Variants in GNAQ observed in about 807,000 individuals in gnomAD.
GNAQ encodes guanine nucleotide-binding protein G(q) subunit alpha.
A neutral mutation model predicts 43.9 loss-of-function variants in GNAQ; 8 were observed. That is an observed-to-expected ratio of 0.18 (90% CI 0.11 to 0.33). The LOEUF (loss-of-function observed/expected upper bound fraction) is 0.33, where lower values mean the gene tolerates loss of function less well. Ranked by LOEUF, GNAQ falls within the 10% of genes least tolerant of loss-of-function variation. GNAQ has a pLI of 1.00. For synonymous variants in GNAQ, 155 were observed against 170.7 expected (o/e 0.91, Z 0.71); for missense variants, 158 against 450.8 (o/e 0.35, Z 5.88).
At chr9:77,878,083 G>C (rs773931919) in intron 2 of GNAQ, among the ~76,000 whole-genome samples, 1 of 152,120 alleles carries the variant, frequency 6.6e-6, no homozygotes, top group African/African-American at 2.4e-5. Flanking sequence ...AACTGGCAGA[G>C]TTTTTAGTTG....
intron 1 of GNAQ, among the ~76,000 whole-genome samples, chr9:77,963,898 TA>T (rs1372676197): frequency 4.6e-5 from 7 of 151,652 alleles, no homozygotes; most frequent in South Asian, 4.2e-4. Flanking sequence ...TTTCTAATCT[TA>T]AAAAAAAATT....
intron 1 of GNAQ, among the ~76,000 whole-genome samples, chr9:77,981,465 CAGA>C (rs1323710115): frequency 3.3e-5 from 5 of 152,170 alleles, no homozygotes; most frequent in East Asian, 1.9e-4. Flanking sequence ...TCCAGTCATG[CAGA>C]AGGTGTGGAA....
At chr9:77,978,595 C>G (rs1357966734) in intron 1 of GNAQ, among the ~76,000 whole-genome samples, 1 of 152,168 alleles carries the variant, frequency 6.6e-6, no homozygotes, top group Non-Finnish European at 1.5e-5. Flanking sequence ...GCTACATCCA[C>G]AGCAGTATGA....
intron 1 of GNAQ, among the ~76,000 whole-genome samples, chr9:78,011,534 T>A (rs1027787236): frequency 2.6e-5 from 4 of 152,316 alleles, no homozygotes; most frequent in Middle Eastern, 3.4e-3. Flanking sequence ...TAACAAAATG[T>A]GCATTGTTGA....
rs35874480 is a variant in GNAQ, at chr9:77,895,197, C to CA, written c.321+26963dup. 4.6e-3 allele frequency among the ~76,000 whole-genome samples: 537 copies of CA among 115,502 alleles called. 4 individuals are homozygous for CA. Among genetic ancestry groups the CA allele is most frequent in the African/African-American group, 0.013 (371 of 29,074 alleles). 75.8% of individuals were successfully genotyped at this position (115,502 alleles called of 152,430 possible). A position where few individuals can be genotyped will look rare whatever the true frequency, so the allele number is the denominator to read the frequency against. On this transcript the variant is annotated intron_variant, in intron 2 of 6. Coordinates refer to ENST00000286548, the MANE Select transcript of GNAQ (RefSeq NM_002072.5). ...TGGGTGACAGAGCGAGACTCCATCT[C>CA]AAAAAAAAAAAAAAAACAGAATGGC... is the stretch of plus-strand genomic sequence containing the variant.
intron 1 of GNAQ, among the ~76,000 whole-genome samples, chr9:77,937,276 C>G (rs1829244890): frequency 6.6e-6 from 1 of 151,972 alleles, no homozygotes; most frequent in Middle Eastern, 3.2e-3. Context: ...CCTGTCTCTA[C>G]TAAAAATACA....
intron 1 of GNAQ, among the ~76,000 whole-genome samples, chr9:77,924,252 C>G (rs1204569017): frequency 6.6e-6 from 1 of 152,138 alleles, no homozygotes; most frequent in East Asian, 1.9e-4. Flanking sequence ...TGGTTGAAAA[C>G]TACCATCTCT....
chr9:77,810,227 TATCTATCTATC>T (rs1310865716), intron 3 of GNAQ, among the ~76,000 whole-genome samples: 2 of 148,878 alleles, frequency 1.3e-5, no homozygotes, highest in African/African-American at 5.1e-5. Flanking sequence ...TCTATCTATC[TATCTATCTATC>T]TATCTATCTA....
intron 6 of GNAQ, among the ~76,000 whole-genome samples, chr9:77,727,128 A>T (rs1328290994): frequency 6.7e-6 from 1 of 148,272 alleles, no homozygotes. Flanking sequence ...CCCATCACCC[A>T]GGCAGGAGTA....
intron 2 of GNAQ, among the ~76,000 whole-genome samples, chr9:77,870,692 A>T (rs1385636831): frequency 6.6e-6 from 1 of 152,072 alleles, no homozygotes; most frequent in East Asian, 1.9e-4. Context: ...TGAGATAAAT[A>T]CTTGTTTTGC....
intron 5 of GNAQ, among the ~76,000 whole-genome samples, chr9:77,748,802 T>A (rs1395067748): frequency 6.6e-6 from 1 of 152,136 alleles, no homozygotes; most frequent in Non-Finnish European, 1.5e-5. Flanking sequence ...AAATGACAAG[T>A]GTTTAATAAT....
chr9:77,785,690 A>T (rs1363455067), intron 5 of GNAQ, among the ~76,000 whole-genome samples: 6 of 152,250 alleles, frequency 3.9e-5, no homozygotes, highest in African/African-American at 1.4e-4. Context: ...TCAGTATCTG[A>T]CAGTTCCTGT....
chr9:77,962,661 G>C (rs551674634), intron 1 of GNAQ, among the ~76,000 whole-genome samples: 1 of 151,912 alleles, frequency 6.6e-6, no homozygotes, highest in Non-Finnish European at 1.5e-5. Context: ...AGGCCGAGGC[G>C]GGCGGATCAC....
In GNAQ at chr9:77,781,928, T is replaced by C. The variant is rs537669758; in HGVS notation, c.735+12535A>G. 7.2e-5 allele frequency among the ~76,000 whole-genome samples: 11 copies of C among 152,262 alleles called. No homozygotes were observed. In the East Asian group the frequency reaches 1.9e-3, roughly 27 times the overall value. On this transcript the variant is annotated intron_variant, in intron 5 of 6. Transcript: ENST00000286548. Reference sequence around the variant, plus strand: ...AATATCATATTTAATGGTGAGAAACTAGAAGCTTTCTCTCTAAGATCAGGA... The same window carrying C: ...AATATCATATTTAATGGTGAGAAACCAGAAGCTTTCTCTCTAAGATCAGGA...
chr9:77,726,498 T>C (rs888379392), intron 6 of GNAQ, among the ~76,000 whole-genome samples: 2 of 152,218 alleles, frequency 1.3e-5, no homozygotes, highest in Non-Finnish European at 2.9e-5. Context: ...GATGAAAAGA[T>C]GACTAAACCT....
intron 1 of GNAQ, among the ~76,000 whole-genome samples, chr9:78,000,100 T>A (rs1823625466): frequency 1.3e-5 from 2 of 152,182 alleles, no homozygotes; most frequent in African/African-American, 4.8e-5. Context: ...GTTAAAATAT[T>A]AGAGAACATA....
At chr9:77,998,031 CCTT>C (rs1001465569) in intron 1 of GNAQ, among the ~76,000 whole-genome samples, 3 of 152,194 alleles carry the variant, frequency 2.0e-5, no homozygotes, top group African/African-American at 7.2e-5. Context: ...CTCTCCTCCT[CCTT>C]TCTTCCCCAC....
intron 2 of GNAQ, among the ~76,000 whole-genome samples, chr9:77,916,862 G>T (rs1209551712): frequency 6.6e-6 from 1 of 152,120 alleles, no homozygotes; most frequent in Non-Finnish European, 1.5e-5. Flanking sequence ...AAGAAGCATT[G>T]TATCAGATTC....
intron 1 of GNAQ, among the ~76,000 whole-genome samples, chr9:77,954,229 G>C (rs746134288): frequency 6.6e-6 from 1 of 152,090 alleles, no homozygotes; most frequent in Non-Finnish European, 1.5e-5. Context: ...ATGACTATGC[G>C]GTCTGGAATA....
Sources: gnomAD v4.1 joint callset for allele counts (sites outside exome capture counted in the v4.1 genomes callset) on GRCh38, gnomAD v4.1.1 for gene constraint, MANE v1.5 for transcripts, NCBI Gene and HGNC (gene_info 2026-07-23, HGNC 2026-07-21) for gene names.